PTPRN2: variants seen among roughly 807,000 people sequenced by gnomAD.
The protein encoded by PTPRN2 is receptor-type tyrosine-protein phosphatase N2.
In PTPRN2, 74 loss-of-function variants were observed where a neutral mutation model predicts 118.8. The observed-to-expected ratio is 0.62, with a 90% confidence interval of 0.52 to 0.76. The LOEUF (loss-of-function observed/expected upper bound fraction) is 0.76, where lower values mean the gene tolerates loss of function less well. Ranked by LOEUF, PTPRN2 falls within the 30% of genes least tolerant of loss-of-function variation. PTPRN2 has a pLI of 0.00. For synonymous variants in PTPRN2, 641 were observed against 608.0 expected (o/e 1.05, Z -0.80); for missense variants, 1,481 against 1,394.4 (o/e 1.06, Z -0.99).
chr7:158,139,255 C>T (rs76201009), intron 6 of PTPRN2, among the ~76,000 whole-genome samples: 3,432 of 152,210 alleles, frequency 0.023, 119 homozygotes, highest in African/African-American at 0.077. Context: ...TGTGTGCACC[C>T]GCTGCTCAGC....
chr7:158,001,293 C>T (rs1369478248), intron 11 of PTPRN2, among the ~76,000 whole-genome samples: 2 of 151,838 alleles, frequency 1.3e-5, no homozygotes, highest in African/African-American at 2.4e-5. Flanking sequence ...AGCAGAGGGC[C>T]TTCTCCCACA....
intron 10 of PTPRN2, among the ~76,000 whole-genome samples, chr7:158,089,848 G>A (rs1279717009): frequency 5.0e-5 from 6 of 120,532 alleles, no homozygotes; most frequent in African/African-American, 1.8e-4. Context: ...CCTGATGAAA[G>A]AGGGAGTCTT....
chr7:157,875,561 G>T (rs1325833152), intron 12 of PTPRN2, among the ~76,000 whole-genome samples: 1 of 152,230 alleles, frequency 6.6e-6, no homozygotes, highest in Non-Finnish European at 1.5e-5. Context: ...AAGGGAGATC[G>T]TTCCAGCCAC....
chr7:157,854,982 G>A, intron 12 of PTPRN2: 1 of 163,600 alleles, frequency 6.1e-6, no homozygotes, highest in South Asian at 1.0e-4. Flanking sequence ...GGATCGGGGA[G>A]GATGGCTGCA....
At chr7:158,270,484 G>A (rs1358006449) in intron 3 of PTPRN2, among the ~76,000 whole-genome samples, 2 of 152,104 alleles carry the variant, frequency 1.3e-5, no homozygotes, top group Admixed American at 1.3e-4. Flanking sequence ...TCACTCACTG[G>A]CCATAACGTG....
At position 158,438,836 on chromosome 7, in the gene PTPRN2, G is replaced by A. The variant is rs1161340162; in HGVS notation, c.163+50899C>T. Reference sequence around the variant, plus strand: ...ACCTGTCTTTTCATGTAGGGCCTGGGAAAGGAAAACAAACCTTGGGACTCC... The same window carrying A: ...ACCTGTCTTTTCATGTAGGGCCTGGAAAAGGAAAACAAACCTTGGGACTCC... On this transcript the variant is annotated intron_variant, in intron 2 of 22. Coordinates refer to ENST00000389418, the MANE Select transcript of PTPRN2 (RefSeq NM_002847.5). The surrounding 1 kb of genome is among the most constrained non-coding windows in gnomAD (Gnocchi z 4.7). Among the ~76,000 whole-genome samples, 3 of 152,156 alleles carry A rather than the reference G, an allele frequency of 2.0e-5. No homozygotes were observed. The East Asian group carries it at 5.8e-4, about 29-fold the overall frequency.
At chr7:157,898,623 C>T (rs144824779) in intron 12 of PTPRN2, 50 bp downstream of exon 12, 24,659 of 1,507,418 alleles carry the variant, frequency 0.016, 291 homozygotes, top group Non-Finnish European at 0.018. Flanking sequence ...CGCCAGCACC[C>T]AGACAGCACT....
chr7:157,725,978 T>G (rs1799568141), intron 12 of PTPRN2, among the ~76,000 whole-genome samples: 1 of 103,420 alleles, frequency 9.7e-6, no homozygotes. Context: ...TGCAGAGGAG[T>G]GAGCCAGACC....
At chr7:158,443,208 C>T (rs1330651820) in intron 2 of PTPRN2, among the ~76,000 whole-genome samples, 5 of 152,232 alleles carry the variant, frequency 3.3e-5, no homozygotes, top group South Asian at 4.2e-4. Context: ...GCGGAGGCTG[C>T]GGAGGACGCT....
chr7:157,693,907 C>A (rs1797645915), intron 12 of PTPRN2, among the ~76,000 whole-genome samples: 1 of 152,234 alleles, frequency 6.6e-6, no homozygotes. Flanking sequence ...GCCCCTCAGT[C>A]TCCACGGCGG....
At chr7:157,952,907 G>A (rs531660113) in intron 11 of PTPRN2, among the ~76,000 whole-genome samples, 30 of 152,252 alleles carry the variant, frequency 2.0e-4, no homozygotes, top group Admixed American at 3.3e-4. Context: ...TCTCCAGGAC[G>A]TGAAGATGTC....
intron 11 of PTPRN2, among the ~76,000 whole-genome samples, chr7:158,033,682 G>A (rs921959377): frequency 1.3e-5 from 2 of 152,206 alleles, no homozygotes; most frequent in Non-Finnish European, 2.9e-5. Context: ...TGAGGCCCAG[G>A]TGAGCATCCC....
Position 157,735,169 on chromosome 7 carries a change from C to T in PTPRN2, c.1789-52232G>A, listed in dbSNP as rs573896815. ...TCCTGTGTTGCTCCCGTGGTTCGGCCGGCGAAGCTCCGTGTTCATGTGCAC... is the reference window on the plus strand; with the variant it reads ...TCCTGTGTTGCTCCCGTGGTTCGGCTGGCGAAGCTCCGTGTTCATGTGCAC... On this transcript the variant is annotated intron_variant, in intron 12 of 22. Coordinates refer to ENST00000389418, the MANE Select transcript of PTPRN2 (RefSeq NM_002847.5). Among the ~76,000 whole-genome samples the T allele has an allele frequency of 4.5e-4, 68 of 152,336 alleles. No individual in the cohort carries two copies. In the South Asian group the frequency reaches 0.01, roughly 23 times the overall value.
intron 12 of PTPRN2, among the ~76,000 whole-genome samples, chr7:157,797,060 G>A (rs887124543): frequency 1.3e-5 from 2 of 152,190 alleles, no homozygotes; most frequent in Non-Finnish European, 2.9e-5. Flanking sequence ...GCCCATGAAC[G>A]GGCACTGGGG....
intron 22 of PTPRN2, among the ~76,000 whole-genome samples, chr7:157,545,221 C>A (rs147511102): frequency 7.4e-6 from 1 of 134,814 alleles, no homozygotes; most frequent in Non-Finnish European, 1.6e-5. Flanking sequence ...TGTGGGTGTG[C>A]GCAGTGTCCG....
At chr7:157,722,685 CA>C (rs1799310968) in intron 12 of PTPRN2, among the ~76,000 whole-genome samples, 1 of 152,144 alleles carries the variant, frequency 6.6e-6, no homozygotes, top group Admixed American at 6.5e-5. Context: ...CCGGGGGGGA[CA>C]GGGGTGAGGA....
chr7:157,714,119 A>C lies in PTPRN2; in HGVS notation c.1789-31182T>G, dbSNP rs150039832. On this transcript the variant is annotated intron_variant, in intron 12 of 22. Coordinates refer to ENST00000389418, the MANE Select transcript of PTPRN2 (RefSeq NM_002847.5). ...TATATGACGATGACATTCTTAGGTG[A>C]GCTCACTACCTCATGGCATCAACTC... Among the ~76,000 whole-genome samples, 288 of 152,348 alleles carry C rather than the reference A, an allele frequency of 1.9e-3. 2 individuals carry two copies. The highest frequency in any genetic ancestry group is 6.6e-3 in the African/African-American group (274 of 41,582).
In PTPRN2 at chr7:157,615,941, G is replaced by GT. The variant is rs1802745197; in HGVS notation, c.2344+5420dup. 3.8e-6 allele frequency: 1 copy of GT among 261,038 alleles called. No homozygotes were observed. The allele number at this position is 261,038 out of a possible 1,614,324, so 16.2% of individuals were successfully genotyped here. ...GAGATGTGCACCTGGCAGGATGAAC[G>GT]TAACTTCTGGTGGATAAAGTGGGAG... On this transcript the variant is annotated intron_variant, in intron 15 of 22. Transcript: ENST00000389418. This position sits in a 1 kb window ranked among gnomAD's most constrained non-coding sequence, Gnocchi z 4.3.
chr7:157,649,509 C>T (rs1248005087), intron 14 of PTPRN2, among the ~76,000 whole-genome samples: 7 of 142,740 alleles, frequency 4.9e-5, no homozygotes, highest in Admixed American at 6.9e-5. Flanking sequence ...GCACTGAACT[C>T]GGTGGGTCGG....
Sources: gnomAD v4.1 joint callset for allele counts (sites outside exome capture counted in the v4.1 genomes callset) on GRCh38, gnomAD v4.1.1 for gene constraint, Gnocchi (gnomAD v3.1) non-coding constraint, MANE v1.5 for transcripts, NCBI Gene and HGNC (gene_info 2026-07-23, HGNC 2026-07-21) for gene names.